The following AGXT2 variants were observed in gnomAD, a reference collection of about 807,000 sequenced individuals.
AGXT2 encodes alanine--glyoxylate aminotransferase 2, also known as alanine--glyoxylate aminotransferase 2, mitochondrial.
In AGXT2, 61 loss-of-function variants were observed where a neutral mutation model predicts 62.5. The observed-to-expected ratio is 0.98, with a 90% confidence interval of 0.79 to 1.21. The LOEUF (loss-of-function observed/expected upper bound fraction) is 1.21. Among genes scored for constraint, AGXT2 ranks in the 50% most tolerant of loss-of-function variants. The pLI is 0.00. For synonymous variants in AGXT2, 243 were observed against 218.7 expected (o/e 1.11, Z -0.98); for missense variants, 666 against 641.5 (o/e 1.04, Z -0.41).
chr5:35,029,119 A>C (rs1767471713), intron 7 of AGXT2, among the ~76,000 whole-genome samples: 1 of 152,240 alleles, frequency 6.6e-6, no homozygotes, highest in Admixed American at 6.5e-5. Flanking sequence ...TGACAAGTAT[A>C]TGAAACCCTG....
chr5:35,010,085 A>T lies in AGXT2; in HGVS notation c.1253T>A (p.Phe418Tyr). Reference protein sequence around the residue: ...QEVGTYMLLKFAKLRDEFEIV... With the variant: ...QEVGTYMLLKYAKLRDEFEIV... Reference sequence around the variant, plus strand: ...TTCAAATTCATCCCGCAGCTTAGCAAACTTTAGTAACATGTAGGTCCCAAC... The same window carrying T: ...TTCAAATTCATCCCGCAGCTTAGCATACTTTAGTAACATGTAGGTCCCAAC... Residue 418 changes from phenylalanine (F) to tyrosine (Y), a missense_variant, in exon 12 of 14, where the codon TTT (phenylalanine) becomes TAT (tyrosine). By Grantham distance (22) the Phe-to-Tyr change is conservative. Transcript: ENST00000231420. The T allele has an allele frequency of 6.2e-7, 1 of 1,614,206 alleles. No homozygotes were observed. The highest frequency in any genetic ancestry group is 8.5e-7 in the Non-Finnish European group (1 of 1,180,032).
At chr5:35,018,849 C>T (rs1766953038) in intron 9 of AGXT2, among the ~76,000 whole-genome samples, 1 of 143,350 alleles carries the variant, frequency 7.0e-6, no homozygotes, top group Non-Finnish European at 1.5e-5. Context: ...CAGAGACACA[C>T]ATAGGCTCAA....
chr5:35,016,497 G>A (rs1766854860), intron 9 of AGXT2, among the ~76,000 whole-genome samples: 1 of 152,098 alleles, frequency 6.6e-6, no homozygotes, highest in African/African-American at 2.4e-5. Flanking sequence ...CCTGACCAAG[G>A]ATGAAAGTTT....
Position 35,024,693 on chromosome 5 carries a change from G to C in AGXT2, c.963+1070C>G, listed in dbSNP as rs549475658. On this transcript the variant is annotated intron_variant, in intron 9 of 13. Coordinates refer to ENST00000231420, the MANE Select transcript of AGXT2 (RefSeq NM_031900.4). ...ATTTTAAAAACATTATTTCGGCCAG[G>C]CGCGGTGGCTCATGCCTGTAAACCC... Among the ~76,000 whole-genome samples the C allele has an allele frequency of 1.9e-3, 283 of 152,302 alleles. 1 individual carries two copies. Among genetic ancestry groups the C allele is most frequent in the African/African-American group, 6.5e-3 (269 of 41,556 alleles).
Position 35,039,333 on chromosome 5 carries a change from T to C in AGXT2, c.353A>G (p.His118Arg). The stretch of plus-strand genomic sequence containing the variant: ...TTTTAAGGATACTCACGGGTGGCAA[T>C]GGCCAACACTGACAGTAACAATCCC... ...FSGIVTVSVG[H>R]CHPKVNAVAQ... Residue 118 changes from histidine (H) to arginine (R), a missense_variant, in exon 3 of 14, where the codon CAT becomes CGT. His to Arg is a conservative substitution (Grantham distance 29, BLOSUM62 0). Coordinates refer to ENST00000231420, the MANE Select transcript of AGXT2 (RefSeq NM_031900.4). 6.2e-7 allele frequency: 1 copy of C among 1,614,030 alleles called. No homozygotes were observed.
At chr5:35,022,225 A>C (rs964797450) in intron 9 of AGXT2, among the ~76,000 whole-genome samples, 4 of 152,244 alleles carry the variant, frequency 2.6e-5, no homozygotes, top group Non-Finnish European at 5.9e-5. Context: ...ATTACTGGGT[A>C]TATACCCAAA....
intron 1 of AGXT2, among the ~76,000 whole-genome samples, chr5:35,044,705 C>T: frequency 6.6e-6 from 1 of 152,142 alleles, no homozygotes; most frequent in East Asian, 1.9e-4. Flanking sequence ...TGAAGCCACA[C>T]AGGGGCAGTT....
intron 9 of AGXT2, among the ~76,000 whole-genome samples, chr5:35,019,813 G>T (rs77799435): frequency 0.3 from 44,804 of 151,858 alleles, 7,320 homozygotes; most frequent in Non-Finnish European, 0.38. Context: ...CAACAAAATT[G>T]ATAGACCACT....
intron 4 of AGXT2, among the ~76,000 whole-genome samples, chr5:35,036,262 A>G (rs1767766892): frequency 6.6e-6 from 1 of 152,164 alleles, no homozygotes; most frequent in Non-Finnish European, 1.5e-5. Context: ...CAGCTCTTCC[A>G]TGTTTCTTTA....
Position 35,040,621 on chromosome 5 carries a change from G to A in AGXT2, c.131C>T (p.Thr44Ile), listed in dbSNP as rs1064836. Residue 44 changes from threonine (T) to isoleucine (I), a missense_variant, in exon 2 of 14, where the codon ACA becomes ATA. By Grantham distance (89) the Thr-to-Ile change is moderately conservative. Coordinates refer to ENST00000231420, the MANE Select transcript of AGXT2 (RefSeq NM_031900.4). ...GTCACATGGAGGCATTCTGGGCTTT[G>A]TATGAAGACTGAGCTTGGTTACTGA... ...RTSVTKLSLHTKPRMPPCDFM... is the reference protein window; with the variant it reads ...RTSVTKLSLHIKPRMPPCDFM... The A allele has an allele frequency of 6.2e-7, 1 of 1,613,880 alleles. No individual in the cohort carries two copies. Among genetic ancestry groups the A allele is most frequent in the Non-Finnish European group, 8.5e-7 (1 of 1,179,872 alleles).
chr5:35,008,706 C>G (rs1422015119), intron 12 of AGXT2, among the ~76,000 whole-genome samples: 1 of 152,212 alleles, frequency 6.6e-6, no homozygotes, highest in Non-Finnish European at 1.5e-5. Flanking sequence ...CAGCTTTGTA[C>G]TGGCTGTGAC....
At chr5:35,008,058 G>C (rs1217399575) in intron 12 of AGXT2, among the ~76,000 whole-genome samples, 1 of 152,104 alleles carries the variant, frequency 6.6e-6, no homozygotes, top group Non-Finnish European at 1.5e-5. Context: ...AGATGCAGAT[G>C]CTGGTGTCAT....
At chr5:35,026,017 A>G (rs1767330908) in intron 8 of AGXT2, 162 bp from the exon 9 acceptor site, 2 of 695,186 alleles carry the variant, frequency 2.9e-6, no homozygotes, top group Non-Finnish European at 2.6e-6. Context: ...AAGAGGACTT[A>G]TTACTCTATA....
At chr5:35,039,015 C>T (rs1230857103) in intron 3 of AGXT2, among the ~76,000 whole-genome samples, 3 of 152,170 alleles carry the variant, frequency 2.0e-5, no homozygotes, top group African/African-American at 7.2e-5. Context: ...CTTTCTCTTC[C>T]TTTCCCTGAA....
chr5:35,006,216 A>G (rs535969082), intron 12 of AGXT2, among the ~76,000 whole-genome samples: 183 of 152,342 alleles, frequency 1.2e-3, no homozygotes, highest in Non-Finnish European at 2.2e-3. Flanking sequence ...ATTATAAACA[A>G]TGCTGCAAAT....
intron 7 of AGXT2, among the ~76,000 whole-genome samples, chr5:35,028,904 T>C (rs1386701123): frequency 6.6e-6 from 1 of 152,144 alleles, no homozygotes; most frequent in Non-Finnish European, 1.5e-5. Context: ...TCCACGGTGC[T>C]AGACAGAAGG....
chr5:35,044,611 G>C (rs37376), intron 1 of AGXT2, among the ~76,000 whole-genome samples: 136,063 of 152,244 alleles, frequency 0.89, 61,494 homozygotes, highest in African/African-American at 0.97. Context: ...TCCTGTCCAC[G>C]TCCTCAGCCT....
intron 3 of AGXT2, 148 bp downstream of exon 3, chr5:35,039,176 T>G (rs1394586294): frequency 1.1e-6 from 1 of 950,940 alleles, no homozygotes; most frequent in Non-Finnish European, 1.7e-6. Context: ...GATTTTGTAC[T>G]CAGGAAATAG....
chr5:34,999,908 T>G (rs1292338914), intron 13 of AGXT2, among the ~76,000 whole-genome samples: 1 of 152,190 alleles, frequency 6.6e-6, no homozygotes, highest in East Asian at 1.9e-4. Context: ...GAAACGCCCC[T>G]TCAACTTCCC....
Sources: gnomAD v4.1 joint callset for allele counts (sites outside exome capture counted in the v4.1 genomes callset) on GRCh38, gnomAD v4.1.1 for gene constraint, MANE v1.5 for transcripts, NCBI Gene and HGNC (gene_info 2026-07-23, HGNC 2026-07-21) for gene names.